Variants in DPYSL2 observed in about 807,000 individuals in gnomAD.
The protein encoded by DPYSL2 is dihydropyrimidinase like 2.
In DPYSL2, 13 loss-of-function variants were observed where a neutral mutation model predicts 69.9. That is an observed-to-expected ratio of 0.19 (90% CI 0.12 to 0.30). The LOEUF is 0.30. Among genes scored for constraint, DPYSL2 ranks in the 10% least tolerant of loss-of-function variants. The pLI is 1.00. For synonymous variants in DPYSL2, 326 were observed against 359.1 expected (o/e 0.91, Z 1.04); for missense variants, 587 against 918.9 (o/e 0.64, Z 4.67).
intron 1 of DPYSL2, among the ~76,000 whole-genome samples, chr8:26,550,881 C>G (rs549857583): frequency 6.6e-6 from 1 of 152,216 alleles, no homozygotes; most frequent in East Asian, 1.9e-4. Flanking sequence ...TCCCAGAGCG[C>G]AAGAGCTGGA....
At chr8:26,576,980 G>A (rs1028290372) in intron 1 of DPYSL2, 3 of 303,958 alleles carry the variant, frequency 9.9e-6, no homozygotes, top group South Asian at 2.3e-5. Context: ...CGCACAGAGC[G>A]CAGATCGCGC....
chr8:26,609,408 A>G lies in DPYSL2; in HGVS notation c.629-14735A>G, dbSNP rs911246710. Among the ~76,000 whole-genome samples the G allele has an allele frequency of 5.3e-5, 8 of 152,148 alleles. No individual in the cohort carries two copies. The highest frequency in any genetic ancestry group is 1.2e-4 in the Non-Finnish European group (8 of 68,036). ...CTTCTGTGGGGGCTGCAAGTCCTTA[A>G]GTTATAGTTGGATTCCCTTCCCAGC... On this transcript the variant is annotated intron_variant, in intron 3 of 13. Transcript: ENST00000521913. The surrounding 1 kb of genome is among the most constrained non-coding windows in gnomAD (Gnocchi z 6.5).
rs1019483367 is a variant in DPYSL2, at chr8:26,580,529, A to G, written c.355-1440A>G. Among the ~76,000 whole-genome samples, 7 of 152,242 alleles carry G rather than the reference A, an allele frequency of 4.6e-5. No individual in the cohort carries two copies. The highest frequency in any genetic ancestry group is 1.0e-4 in the Non-Finnish European group (7 of 68,040). ...CAGGGACCCTGCAGTGTACAAAATT[A>G]AAATGATCTTATTGGTTTTCAGTAT... On this transcript the variant is annotated intron_variant, in intron 1 of 13. Transcript: ENST00000521913. The surrounding 1 kb of genome is among the most constrained non-coding windows in gnomAD (Gnocchi z 4.1).
chr8:26,546,255 T>G (rs1016063270), intron 1 of DPYSL2, among the ~76,000 whole-genome samples: 3 of 152,252 alleles, frequency 2.0e-5, no homozygotes, highest in African/African-American at 7.2e-5. Context: ...GGTGCTCATG[T>G]AAATTGTATT....
chr8:26,516,806 A>G lies in DPYSL2; in HGVS notation c.354+2127A>G, dbSNP rs962396617. On this transcript the variant is annotated intron_variant, in intron 1 of 13. Coordinates refer to ENST00000521913, the MANE Select transcript of DPYSL2 (RefSeq NM_001197293.3). The surrounding 1 kb of genome is among the most constrained non-coding windows in gnomAD (Gnocchi z 4.8). ...AATCTTGCCTTATCATATAAGGCCTACTCAATGAGATTTTGTCATTCACGA... is the reference window on the plus strand; with the variant it reads ...AATCTTGCCTTATCATATAAGGCCTGCTCAATGAGATTTTGTCATTCACGA... 2.0e-5 allele frequency among the ~76,000 whole-genome samples: 3 copies of G among 152,180 alleles called. No individual in the cohort carries two copies. The highest frequency in any genetic ancestry group is 6.5e-5 in the Admixed American group (1 of 15,270).
chr8:26,538,003 C>T (rs762451462), intron 1 of DPYSL2, among the ~76,000 whole-genome samples: 25 of 152,118 alleles, frequency 1.6e-4, no homozygotes, highest in Non-Finnish European at 2.9e-4. Flanking sequence ...TGGAATCATC[C>T]GATGTTGCTT....
Position 26,562,590 on chromosome 8 carries a change from C to T in DPYSL2, c.355-19379C>T, listed in dbSNP as rs946314047. 1.3e-5 allele frequency among the ~76,000 whole-genome samples: 2 copies of T among 152,128 alleles called. No homozygotes were observed. Among genetic ancestry groups the T allele is most frequent in the Admixed American group, 6.6e-5 (1 of 15,266 alleles). On this transcript the variant is annotated intron_variant, in intron 1 of 13. Coordinates refer to ENST00000521913, the MANE Select transcript of DPYSL2 (RefSeq NM_001197293.3). The surrounding 1 kb of genome is among the most constrained non-coding windows in gnomAD (Gnocchi z 4.9). ...TTCGTTTTAAAGACAGAATAAAATC[C>T]GAATCTGTTTCCATGGCCCACAGTC...
chr8:26,529,939 C>T (rs1012527725), intron 1 of DPYSL2, among the ~76,000 whole-genome samples: 2 of 150,962 alleles, frequency 1.3e-5, no homozygotes, highest in Non-Finnish European at 1.5e-5. Flanking sequence ...GCTGAAACCT[C>T]GTTTCTACTA....
In DPYSL2 at chr8:26,643,302, G is replaced by A; in HGVS notation, c.1127-137G>A. ...TCTCCAAGTCTCAGTTTCCTCATCT[G>A]CGAGATGAGCCTGATATTTCCTATA... On this transcript the variant is annotated intron_variant, in intron 8 of 13. Transcript: ENST00000521913. This position sits in a 1 kb window ranked among gnomAD's most constrained non-coding sequence, Gnocchi z 6.5. The A allele has an allele frequency of 1.1e-6, 1 of 921,734 alleles. No individual in the cohort carries two copies. 57.1% of individuals were successfully genotyped at this position (921,734 alleles called of 1,614,324 possible). A position where few individuals can be genotyped will look rare whatever the true frequency, so the allele number is the denominator to read the frequency against.
rs572348818 is a variant in DPYSL2, at chr8:26,624,467, G to A, written c.793+160G>A. Among the ~76,000 whole-genome samples the A allele has an allele frequency of 1.2e-4, 19 of 152,298 alleles. No homozygotes were observed. In the South Asian group the frequency reaches 3.7e-3, roughly 30 times the overall value. The stretch of plus-strand genomic sequence containing the variant: ...GAGAGGGCTTTGGGCCGCAGCTTAT[G>A]CTGTTTGGAGGTGGCCTTACCCAGT... On this transcript the variant is annotated intron_variant, in intron 4 of 13. Coordinates refer to ENST00000521913, the MANE Select transcript of DPYSL2 (RefSeq NM_001197293.3). This position sits in a 1 kb window ranked among gnomAD's most constrained non-coding sequence, Gnocchi z 4.7.
intron 1 of DPYSL2, among the ~76,000 whole-genome samples, chr8:26,567,905 G>C (rs979726962): frequency 6.6e-6 from 1 of 152,138 alleles, no homozygotes; most frequent in Non-Finnish European, 1.5e-5. Context: ...CTTTAAAGTG[G>C]TCTTTTTACT....
intron 3 of DPYSL2, among the ~76,000 whole-genome samples, chr8:26,590,196 C>A (rs1801694494): frequency 6.6e-6 from 1 of 152,228 alleles, no homozygotes; most frequent in Admixed American, 6.5e-5. Context: ...ACATCAGACC[C>A]AAGTTTCAAA....
rs1189481826 is a variant in DPYSL2, at chr8:26,564,364, G to C, written c.355-17605G>C. On this transcript the variant is annotated intron_variant, in intron 1 of 13. Transcript: ENST00000521913. The surrounding 1 kb of genome is among the most constrained non-coding windows in gnomAD (Gnocchi z 4.8). ...ATCGTGGTGAGGAGCACAGGGCCAG[G>C]GAGATGGGAACGGCTGGAGGAGTTT... 6.6e-6 allele frequency among the ~76,000 whole-genome samples: 1 copy of C among 152,190 alleles called. No homozygotes were observed. The highest frequency in any genetic ancestry group is 1.5e-5 in the Non-Finnish European group (1 of 68,038).
chr8:26,578,962 C>A (rs963024034), intron 1 of DPYSL2, among the ~76,000 whole-genome samples: 17 of 152,320 alleles, frequency 1.1e-4, no homozygotes, highest in African/African-American at 2.9e-4. Flanking sequence ...GGTGCCCCCC[C>A]CCCGGTTTTC....
rs1802429451 is a variant in DPYSL2, at chr8:26,619,312, C to T, written c.629-4831C>T. Among the ~76,000 whole-genome samples the T allele has an allele frequency of 6.6e-6, 1 of 152,178 alleles. No individual in the cohort carries two copies. The highest frequency in any genetic ancestry group is 2.1e-4 in the South Asian group (1 of 4,828). ...AAAACTGTGGGAAAACATTTGGAGG[C>T]ATTTCATGGACACGTTTCTGAGTGT... On this transcript the variant is annotated intron_variant, in intron 3 of 13. Transcript: ENST00000521913. This position sits in a 1 kb window ranked among gnomAD's most constrained non-coding sequence, Gnocchi z 4.8.
At chr8:26,584,684 A>G (rs945969567) in intron 3 of DPYSL2, among the ~76,000 whole-genome samples, 4 of 145,260 alleles carry the variant, frequency 2.8e-5, no homozygotes, top group East Asian at 2.0e-4. Flanking sequence ...CAATGGTGCA[A>G]TCTGGGCTCA....
chr8:26,540,550 A>G (rs1051435804), intron 1 of DPYSL2, among the ~76,000 whole-genome samples: 1 of 152,220 alleles, frequency 6.6e-6, no homozygotes, highest in African/African-American at 2.4e-5. Context: ...GGAAGACTAC[A>G]AGTGCTCCTT....
chr8:26,589,928 A>T (rs13248890), intron 3 of DPYSL2, among the ~76,000 whole-genome samples: 2 of 152,178 alleles, frequency 1.3e-5, no homozygotes, highest in Admixed American at 6.5e-5. Flanking sequence ...GAGCCTCCCC[A>T]TGGAGGCAGG....
chr8:26,596,177 T>G (rs1801858129), intron 3 of DPYSL2, among the ~76,000 whole-genome samples: 1 of 152,134 alleles, frequency 6.6e-6, no homozygotes, highest in Non-Finnish European at 1.5e-5. Context: ...CAACTTTAGC[T>G]TCAGAGTTTT....
Sources: gnomAD v4.1 joint callset for allele counts (sites outside exome capture counted in the v4.1 genomes callset) on GRCh38, gnomAD v4.1.1 for gene constraint, Gnocchi (gnomAD v3.1) non-coding constraint, MANE v1.5 for transcripts, NCBI Gene and HGNC (gene_info 2026-07-23, HGNC 2026-07-21) for gene names.